The following IGSF10 variants were observed in gnomAD, a reference collection of about 807,000 sequenced individuals.
IGSF10 encodes the protein immunoglobulin superfamily member 10.
Under a neutral mutation model 128.2 loss-of-function variants are expected in IGSF10, and 126 were observed. The ratio of observed to expected loss-of-function variants is 0.98; its 90% confidence interval spans 0.85 to 1.14. The LOEUF (loss-of-function observed/expected upper bound fraction) is 1.14, where lower values mean the gene tolerates loss of function less well. IGSF10 is among the 50% of genes most tolerant of loss of function. IGSF10 has a pLI of 0.00. For missense variants in IGSF10, 3,295 were observed against 3,149.8 expected, an observed-to-expected ratio of 1.05 and a Z score of -1.10; for synonymous variants, 1,185 against 1,146.2, an observed-to-expected ratio of 1.03 and a Z score of -0.68.
At chr3:151,495,688 G>C in the IGSF10 span, among the ~76,000 whole-genome samples, 1 of 152,022 alleles carries the variant, frequency 6.6e-6, no homozygotes, top group African/African-American at 2.4e-5. Flanking sequence ...ATAGGCCCAT[G>C]GAGTGAAATG....
the IGSF10 span, among the ~76,000 whole-genome samples, chr3:151,474,042 T>TG: frequency 2.0e-5 from 3 of 152,096 alleles, no homozygotes; most frequent in Non-Finnish European, 2.9e-5. Flanking sequence ...ATTTGTGAAT[T>TG]GGGGAAAATC....
At chr3:151,593,405 C>A in the IGSF10 span, among the ~76,000 whole-genome samples, 129 of 152,264 alleles carry the variant, frequency 8.5e-4, 1 homozygote, top group African/African-American at 2.9e-3. Flanking sequence ...AGCCACCATG[C>A]CTGGCTTCTA....
chr3:151,515,335 G>T, the IGSF10 span, among the ~76,000 whole-genome samples: 1 of 151,728 alleles, frequency 6.6e-6, no homozygotes, highest in Non-Finnish European at 1.5e-5. Flanking sequence ...GGATGAAGCT[G>T]GAAACCATCA....
At chr3:151,595,521 AATAT>A in the IGSF10 span, among the ~76,000 whole-genome samples, 2 of 148,776 alleles carry the variant, frequency 1.3e-5, no homozygotes, top group East Asian at 3.9e-4. Context: ...TCAATACTCT[AATAT>A]ATTATTATAT....
the IGSF10 span, among the ~76,000 whole-genome samples, chr3:151,499,280 G>A: frequency 6.6e-6 from 1 of 152,116 alleles, no homozygotes; most frequent in Admixed American, 6.6e-5. Flanking sequence ...AAAAGGTAAT[G>A]CCAACAGGGA....
chr3:151,478,278 G>T, the IGSF10 span, among the ~76,000 whole-genome samples: 1 of 152,320 alleles, frequency 6.6e-6, no homozygotes, highest in Non-Finnish European at 1.5e-5. Flanking sequence ...GGTGTTCTTT[G>T]TCATGGAGAC....
the IGSF10 span, among the ~76,000 whole-genome samples, chr3:151,589,633 T>C: frequency 1.3e-5 from 2 of 152,204 alleles, no homozygotes; most frequent in Non-Finnish European, 2.9e-5. Context: ...CTCTCTTATT[T>C]CATAGTCTTT....
chr3:151,555,274 C>A, the IGSF10 span, among the ~76,000 whole-genome samples: 1 of 152,104 alleles, frequency 6.6e-6, no homozygotes, highest in Admixed American at 6.6e-5. Flanking sequence ...GGTCAACTAT[C>A]TTTTATTAGC....
chr3:151,501,134 G>C, the IGSF10 span, among the ~76,000 whole-genome samples: 2 of 152,006 alleles, frequency 1.3e-5, no homozygotes, highest in African/African-American at 4.8e-5. Context: ...AAACCAAAAA[G>C]ATCTGTCCCA....
At chr3:151,531,637 A>G in the IGSF10 span, among the ~76,000 whole-genome samples, 1 of 137,298 alleles carries the variant, frequency 7.3e-6, no homozygotes, top group Non-Finnish European at 1.7e-5. Flanking sequence ...GAAACCAATG[A>G]GAACAAAGAC....
chr3:151,495,326 T>C, the IGSF10 span, among the ~76,000 whole-genome samples: 4 of 152,104 alleles, frequency 2.6e-5, no homozygotes, highest in Non-Finnish European at 5.9e-5. Flanking sequence ...AGAAGGTCAG[T>C]TGCAAAGTAA....
chr3:151,448,635 T>G lies in IGSF10; in HGVS notation c.1346A>C (p.Gln449Pro). Residue 449 changes from glutamine to proline, a missense_variant, in exon 6 of 8, where the codon CAG becomes CCG. Physicochemically the swap from Gln to Pro is moderately conservative, Grantham distance 76. Coordinates refer to ENST00000282466, the MANE Select transcript of IGSF10 (RefSeq NM_178822.5). ...TTGAGCATCACTGGAGTACTGGATCTGTAATGTACTGAATGTGGTGGCAGT... is the reference window on the plus strand; with the variant it reads ...TTGAGCATCACTGGAGTACTGGATCGGTAATGTACTGAATGTGGTGGCAGT... ...NRTATTFSTL[Q>P]IQYSSDAQIT... is the part of the protein sequence containing the mutation. 6.2e-7 allele frequency: 1 copy of G among 1,614,098 alleles called. No homozygotes were observed. Among genetic ancestry groups the G allele is most frequent in the East Asian group, 2.2e-5 (1 of 44,886 alleles).
the IGSF10 span, among the ~76,000 whole-genome samples, chr3:151,469,578 T>C: frequency 6.6e-6 from 1 of 152,184 alleles, no homozygotes; most frequent in Non-Finnish European, 1.5e-5. Flanking sequence ...ATTGATAAGA[T>C]AGAAACTCAG....
intron 7 of IGSF10, among the ~76,000 whole-genome samples, chr3:151,439,124 C>G (rs948616652): frequency 6.6e-6 from 1 of 152,094 alleles, no homozygotes; most frequent in Non-Finnish European, 1.5e-5. Flanking sequence ...AATGAAGAGG[C>G]ACATGCTAGA....
the IGSF10 span, among the ~76,000 whole-genome samples, chr3:151,593,161 C>T: frequency 6.6e-6 from 1 of 152,058 alleles, no homozygotes; most frequent in Non-Finnish European, 1.5e-5. Context: ...GACAGGTGCT[C>T]GCGCTGACAT....
At chr3:151,504,792 A>G in the IGSF10 span, among the ~76,000 whole-genome samples, 1 of 152,224 alleles carries the variant, frequency 6.6e-6, no homozygotes, top group Non-Finnish European at 1.5e-5. Context: ...TTCGTGTTCA[A>G]GTAAGATAAA....
upstream of IGSF10, among the ~76,000 whole-genome samples, chr3:151,463,526 T>TTTTTTTTTTTG (rs1722146573): frequency 1.9e-5 from 1 of 53,280 alleles, no homozygotes; most frequent in Non-Finnish European, 3.4e-5. Context: ...TTTTCTGGTT[T>TTTTTTTTTTTG]TTTTTTTTTT....
At chr3:151,617,260 C>CTCCTCTTCTTCTTCT in the IGSF10 span, among the ~76,000 whole-genome samples, 4 of 55,748 alleles carry the variant, frequency 7.2e-5, no homozygotes, top group East Asian at 2.8e-3. Flanking sequence ...TCTTCTCCTT[C>CTCCTCTTCTTCTTCT]TCTTCTTCTT....
rs142233345 is a variant in IGSF10, at chr3:151,446,765, G to A, written c.3216C>T (p.Leu1072=). The change falls in exon 6 of 8, where the codon CTC becomes CTT. Residue 1072 remains leucine, a synonymous_variant. Transcript: ENST00000282466. The stretch of plus-strand genomic sequence containing the variant: ...AAGACAATGCTGCTGTGGCAGTGGT[G>A]AGCCTCTCCCTGGGAAGACAGGACA... ...TCLSCLPRER[L]TTATAALSFP... is the part of the protein sequence containing the mutation. 4 of 1,614,128 alleles carry A rather than the reference G, an allele frequency of 2.5e-6. No individual in the cohort carries two copies. The Admixed American group carries it at 5.0e-5, about 20-fold the overall frequency.
Sources: allele counts gnomAD v4.1 joint callset (sites outside exome capture counted in the v4.1 genomes callset), GRCh38; gene constraint gnomAD v4.1.1; transcripts MANE v1.5; gene names NCBI Gene and HGNC (gene_info 2026-07-23, HGNC 2026-07-21).